The following SATL1 variants were observed in gnomAD, a reference collection of about 807,000 sequenced individuals.
SATL1 encodes the protein spermidine/spermine N(1)-acetyltransferase-like protein 1.
A neutral mutation model predicts 51.8 loss-of-function variants in SATL1; 47 were observed. That is an observed-to-expected ratio of 0.91 (90% confidence interval 0.72 to 1.16). The LOEUF (loss-of-function observed/expected upper bound fraction) is 1.16, where lower values mean the gene tolerates loss of function less well. Among genes scored for constraint, SATL1 ranks in the 50% most tolerant of loss-of-function variants. The pLI, the probability that SATL1 is intolerant of heterozygous loss-of-function variation, is 0.00. For synonymous variants in SATL1, 176 were observed against 182.4 expected (o/e 0.97, Z 0.28); for missense variants, 520 against 526.4 (o/e 0.99, Z 0.12).
chrX:85,127,982 T>A (rs1230389341), intron 2 of SATL1, among the ~76,000 whole-genome samples: 1 of 84,879 alleles, frequency 1.2e-5, no homozygotes, highest in Non-Finnish European at 2.2e-5. Flanking sequence ...AACTTATCCT[T>A]TTTTTATGGC....
chrX:85,104,220 T>TA (rs2147687619), intron 3 of SATL1, among the ~76,000 whole-genome samples: 2 of 112,029 alleles, frequency 1.8e-5, no homozygotes, highest in South Asian at 7.3e-4. Context: ...AAAAAGTTAC[T>TA]GAGCATTCAA....
intron 1 of SATL1, among the ~76,000 whole-genome samples, chrX:85,240,783 CT>C (rs5902874): frequency 0.13 from 12,963 of 99,696 alleles, 638 homozygotes; most frequent in South Asian, 0.17. Context: ...CTCCTATGTA[CT>C]TTTTTTTTTT....
At chrX:85,143,632 GGTTCTGTT>G (rs1192709134) in intron 2 of SATL1, 2 of 111,477 alleles carry the variant, frequency 1.8e-5, no homozygotes, top group African/African-American at 6.5e-5. Flanking sequence ...TACAAGCAAA[GGTTCTGTT>G]GTTTAAAATT....
At chrX:85,163,993 C>T (rs2147730100) in intron 2 of SATL1, among the ~76,000 whole-genome samples, 1 of 111,815 alleles carries the variant, frequency 8.9e-6, no homozygotes, top group South Asian at 3.7e-4. Context: ...TTGGACTAGT[C>T]CTTTTATCAT....
intron 1 of SATL1, among the ~76,000 whole-genome samples, chrX:85,229,196 C>G (rs975774470): frequency 1.8e-5 from 2 of 111,626 alleles, no homozygotes; most frequent in African/African-American, 6.5e-5. Flanking sequence ...AAGAGAAGTC[C>G]AGGACCAAAT....
intron 2 of SATL1, among the ~76,000 whole-genome samples, chrX:85,169,917 TAAAGC>T (rs777140436): frequency 2.9e-4 from 32 of 111,862 alleles, no homozygotes; most frequent in Non-Finnish European, 5.8e-4. Flanking sequence ...GTGATACATG[TAAAGC>T]ATGGAATACT....
intron 1 of SATL1, among the ~76,000 whole-genome samples, chrX:85,231,736 A>C (rs1016243518): frequency 8.9e-6 from 1 of 111,883 alleles, no homozygotes; most frequent in Non-Finnish European, 1.9e-5. Context: ...CACAGAGGGA[A>C]TATTTAGACC....
At chrX:85,137,910 C>T (rs1467148193) in intron 2 of SATL1, among the ~76,000 whole-genome samples, 2 of 111,435 alleles carry the variant, frequency 1.8e-5, no homozygotes, top group African/African-American at 6.5e-5. Context: ...AGCTCAGATT[C>T]TTTCCTCAGC....
chrX:85,171,406 G>A (rs994193698), intron 2 of SATL1, among the ~76,000 whole-genome samples: 2 of 111,658 alleles, frequency 1.8e-5, no homozygotes, highest in Non-Finnish European at 3.8e-5. Context: ...TGTTATTGAA[G>A]TACGGTTAAT....
chrX:85,123,480 A>G (rs1925550938), intron 2 of SATL1, among the ~76,000 whole-genome samples: 1 of 111,613 alleles, frequency 9.0e-6, no homozygotes, highest in Admixed American at 9.6e-5. Flanking sequence ...GTGTCTGTTC[A>G]TGTCCTTTGC....
At chrX:85,173,647 A>G (rs1011789390) in intron 2 of SATL1, among the ~76,000 whole-genome samples, 1 of 111,045 alleles carries the variant, frequency 9.0e-6, no homozygotes, top group Non-Finnish European at 1.9e-5. Flanking sequence ...TAACTTTTAG[A>G]GGAAAGCATT....
At chrX:85,197,463 A>G (rs1166676609) in intron 2 of SATL1, among the ~76,000 whole-genome samples, 1 of 101,313 alleles carries the variant, frequency 9.9e-6, no homozygotes, top group African/African-American at 3.6e-5. Context: ...GCTACCAAAT[A>G]CTAGATCTTT....
chrX:85,151,882 A>T (rs369738975), intron 2 of SATL1, among the ~76,000 whole-genome samples: 2 of 111,637 alleles, frequency 1.8e-5, no homozygotes, highest in Non-Finnish European at 3.8e-5. Context: ...AACCTAGGCA[A>T]TACCATTCAG....
chrX:85,154,371 T>C (rs770647325), intron 2 of SATL1, among the ~76,000 whole-genome samples: 2 of 111,911 alleles, frequency 1.8e-5, no homozygotes, highest in Non-Finnish European at 3.8e-5. Flanking sequence ...TGAATCTGTC[T>C]TGGGTAAATC....
intron 2 of SATL1, chrX:85,153,613 C>G (rs189921633): frequency 1.8e-5 from 2 of 111,729 alleles, no homozygotes; most frequent in African/African-American, 3.2e-5. Flanking sequence ...TCTTGAAGGT[C>G]TTAAGGAGAA....
At chrX:85,121,519 A>T in intron 2 of SATL1, among the ~76,000 whole-genome samples, 1 of 104,894 alleles carries the variant, frequency 9.5e-6, no homozygotes, top group African/African-American at 3.4e-5. Context: ...ACTAACAAGA[A>T]ATAGCTAATG....
chrX:85,107,312 A>G lies in SATL1; in HGVS notation c.1641+16T>C. The G allele has an allele frequency of 8.4e-7, 1 of 1,191,627 alleles. No homozygotes were observed. Among genetic ancestry groups the G allele is most frequent in the Non-Finnish European group, 1.1e-6 (1 of 878,333 alleles). ...CACCAATGCCATGAGGCTCCATGTA[A>G]TAAAAATAGGCTTACTTTAATCAGT... On this transcript the variant is annotated intron_variant, in intron 3 of 7. Coordinates refer to ENST00000644105, the MANE Select transcript of SATL1 (RefSeq NM_001367857.2).
intron 2 of SATL1, among the ~76,000 whole-genome samples, chrX:85,185,922 G>A (rs1221080250): frequency 9.1e-6 from 1 of 110,259 alleles, no homozygotes; most frequent in Non-Finnish European, 1.9e-5. Context: ...TCACAGCTGG[G>A]CATGTGCTGG....
intron 4 of SATL1, among the ~76,000 whole-genome samples, chrX:85,095,353 T>C (rs943485357): frequency 3.6e-5 from 4 of 111,725 alleles, no homozygotes; most frequent in African/African-American, 1.3e-4. Context: ...TTCTGTGTTT[T>C]GACTGTGTGT....
Sources: gnomAD v4.1 joint callset for allele counts (sites outside exome capture counted in the v4.1 genomes callset) on GRCh38, gnomAD v4.1.1 for gene constraint, MANE v1.5 for transcripts, NCBI Gene and HGNC (gene_info 2026-07-23, HGNC 2026-07-21) for gene names.